TRIM54: variants seen among roughly 807,000 people sequenced by gnomAD.
TRIM54 encodes tripartite motif containing 54.
In TRIM54, 40 loss-of-function variants were observed where a neutral mutation model predicts 42.0. The observed-to-expected ratio is 0.95, with a 90% CI of 0.74 to 1.24. The LOEUF is 1.24. Ranked by LOEUF, TRIM54 falls within the 50% of genes most tolerant of loss-of-function variation. TRIM54 has a pLI of 0.00. For synonymous variants in TRIM54, 199 were observed against 194.9 expected (o/e 1.02, Z -0.17); for missense variants, 485 against 480.3 (o/e 1.01, Z -0.09).
chr2:27,288,048 GCCCT>G (rs1412967419), intron 1 of TRIM54, among the ~76,000 whole-genome samples: 1 of 152,196 alleles, frequency 6.6e-6, no homozygotes, highest in Non-Finnish European at 1.5e-5. Flanking sequence ...CCCATAGCTA[GCCCT>G]CTGTTTACAG....
intron 1 of TRIM54, 101 bp downstream of exon 1, chr2:27,283,000 T>C: frequency 7.6e-7 from 1 of 1,314,644 alleles, no homozygotes; most frequent in Non-Finnish European, 1.0e-6. Flanking sequence ...GATAGAGTGC[T>C]CTCTGAGGTG....
chr2:27,291,737 TG>T (rs1678726327), intron 1 of TRIM54, among the ~76,000 whole-genome samples: 2 of 152,300 alleles, frequency 1.3e-5, no homozygotes, highest in South Asian at 4.1e-4. Context: ...AGGATTTGGC[TG>T]GGGGCTAGCA....
At chr2:27,305,214 G>T (rs1679160330) in intron 4 of TRIM54, 160 bp downstream of exon 4, 2 of 640,572 alleles carry the variant, frequency 3.1e-6, no homozygotes, top group East Asian at 5.5e-5. Context: ...TGCTGGGTGT[G>T]CATTCCAGCT....
chr2:27,305,054 G>A lies in TRIM54; in HGVS notation c.609G>A (p.Glu203=), dbSNP rs781141680. Residue 203 remains glutamate (E), a splice_region_variant and synonymous_variant, in exon 4 of 9, where the codon GAG becomes GAA. Coordinates refer to ENST00000380075, the MANE Select transcript of TRIM54 (RefSeq NM_187841.3). The stretch of plus-strand genomic sequence containing the variant: ...TGGAGGAGGTGTGCCAGACTATCGA[G>A]GTGAGCCTGGGCTGGAGGGAGGGAG... ...TQMEEVCQTI[E]DNSRRQKQLL... The A allele has an allele frequency of 5.0e-5, 80 of 1,613,268 alleles. 3 individuals are homozygous for A. In the South Asian group the frequency reaches 8.6e-4, roughly 17 times the overall value.
intron 1 of TRIM54, among the ~76,000 whole-genome samples, chr2:27,283,798 A>G (rs1044597819): frequency 5.3e-5 from 8 of 150,842 alleles, no homozygotes; most frequent in African/African-American, 2.0e-4. Flanking sequence ...ACACACACAC[A>G]CACACACACA....
At position 27,305,022 on chromosome 2, in the gene TRIM54, A is replaced by C; in HGVS notation, c.577A>C (p.Thr193Pro). ...CAATGACCGCGTGCAAGCAGTGATC[A>C]CACAGATGGAGGAGGTGTGCCAGAC... ...AGNDRVQAVI[T>P]QMEEVCQTIE... The change falls in exon 4 of 9, where the codon ACA becomes CCA. Residue 193 changes from threonine (T) to proline (P), a missense_variant. Transcript: ENST00000380075. The C allele has an allele frequency of 6.2e-7, 1 of 1,614,094 alleles. No individual in the cohort carries two copies. The highest frequency in any genetic ancestry group is 8.5e-7 in the Non-Finnish European group (1 of 1,179,990).
chr2:27,301,185 G>T (rs1046967779), intron 3 of TRIM54, among the ~76,000 whole-genome samples: 3 of 148,644 alleles, frequency 2.0e-5, no homozygotes, highest in Non-Finnish European at 3.0e-5. Context: ...TGTCGCCCAG[G>T]CTGGAATGCA....
chr2:27,286,190 A>T (rs56927245), intron 1 of TRIM54, among the ~76,000 whole-genome samples: 7,517 of 150,648 alleles, frequency 0.05, 587 homozygotes, highest in African/African-American at 0.17. Context: ...AGATGGTGTC[A>T]CATTATGTTA....
rs772077566 is a variant in TRIM54 at position 27,304,970 on chromosome 2, C to T, written c.525C>T (p.Ser175=). 14 of 1,613,786 alleles carry T rather than the reference C, an allele frequency of 8.7e-6. No individual in the cohort carries two copies. Among genetic ancestry groups the T allele is most frequent in the East Asian group, 2.2e-5 (1 of 44,886 alleles). ...TIYKRQKSEL[S]DGIAMLVAGN... ...TGTGTGTGTATCAGAGTGAGCTCAG[C>T]GATGGCATCGCGATGCTGGTGGCAG... Residue 175 remains serine (S), a synonymous_variant, in exon 4 of 9, where the codon AGC becomes AGT. Transcript: ENST00000380075.
At chr2:27,304,453 G>A (rs7575245) in intron 3 of TRIM54, among the ~76,000 whole-genome samples, 55,617 of 92,384 alleles carry the variant, frequency 0.6, 16,188 homozygotes, top group African/African-American at 0.86. Flanking sequence ...CGAATGAATT[G>A]AATGATAGAT....
At chr2:27,304,214 A>G (rs1345813257) in intron 3 of TRIM54, among the ~76,000 whole-genome samples, 1 of 124,940 alleles carries the variant, frequency 8.0e-6, no homozygotes, top group East Asian at 2.1e-4. Flanking sequence ...CTTGTCTCAA[A>G]TATATATATA....
At chr2:27,298,508 T>G in intron 1 of TRIM54, 59 bp from the exon 2 acceptor site, 2 of 1,439,854 alleles carry the variant, frequency 1.4e-6, no homozygotes, top group South Asian at 2.4e-5. Flanking sequence ...TCCCCCTGCC[T>G]CCTCCGAGTC....
At position 27,305,069 on chromosome 2, in the gene TRIM54, G is replaced by C. The variant is rs1446299205; in HGVS notation, c.609+15G>C. On this transcript the variant is annotated intron_variant, in intron 4 of 8. Transcript: ENST00000380075. ...AGACTATCGAGGTGAGCCTGGGCTG[G>C]AGGGAGGGAGGAACAGCAACTGGCT... 2.5e-6 allele frequency: 4 copies of C among 1,608,626 alleles called. No individual in the cohort carries two copies. Among genetic ancestry groups the C allele is most frequent in the Admixed American group, 1.7e-5 (1 of 59,592 alleles).
At chr2:27,294,950 A>C (rs1309238741) in intron 1 of TRIM54, among the ~76,000 whole-genome samples, 3 of 151,946 alleles carry the variant, frequency 2.0e-5, no homozygotes, top group Non-Finnish European at 4.4e-5. Context: ...GGATTAAGTG[A>C]ATTAATACAA....
chr2:27,297,433 T>A (rs1328190709), intron 1 of TRIM54, among the ~76,000 whole-genome samples: 1 of 152,208 alleles, frequency 6.6e-6, no homozygotes, highest in Non-Finnish European at 1.5e-5. Context: ...ATCTCCCTTC[T>A]AGGATAGGAT....
At chr2:27,282,966 G>C in intron 1 of TRIM54, 67 bp downstream of exon 1, 1 of 1,505,014 alleles carries the variant, frequency 6.6e-7, no homozygotes. Flanking sequence ...GATCAGGTCA[G>C]AGCTGAGACC....
rs775838169 is a variant in TRIM54 at position 27,305,615 on chromosome 2, A to AC, written c.643dup (p.Gln215ProfsTer4). The AC allele has an allele frequency of 1.2e-6, 2 of 1,613,654 alleles. No individual in the cohort carries two copies. Among genetic ancestry groups the AC allele is most frequent in the Non-Finnish European group, 1.7e-6 (2 of 1,179,830 alleles). The stretch of plus-strand genomic sequence containing the variant: ...AGCCGGAGGCAGAAGCAGTTGTTAA[A>AC]CCAGAGGTTTGAGAGCCTGTGCGCA... On this transcript the variant is annotated frameshift_variant, in exon 5 of 9. Transcript: ENST00000380075. LOFTEE classifies it high-confidence loss of function.
chr2:27,305,988 A>G lies in TRIM54; in HGVS notation c.844-92A>G, dbSNP rs1023056283. The G allele has an allele frequency of 3.9e-6, 6 of 1,549,598 alleles. No individual in the cohort carries two copies. In the East Asian group the frequency reaches 1.4e-4, roughly 36 times the overall value. The stretch of plus-strand genomic sequence containing the variant: ...TTAACGAATTGGGACGTGCCTTCCC[A>G]CCTACCCCGCAGGACTGTGGTGAGA... On this transcript the variant is annotated intron_variant, in intron 5 of 8. Coordinates refer to ENST00000380075, the MANE Select transcript of TRIM54 (RefSeq NM_187841.3).
chr2:27,287,609 G>A (rs1050681255), intron 1 of TRIM54, among the ~76,000 whole-genome samples: 4 of 151,892 alleles, frequency 2.6e-5, no homozygotes, highest in African/African-American at 9.7e-5. Flanking sequence ...CTGTAACCTT[G>A]AACTCCTGGG....
Sources: gnomAD v4.1 joint callset for allele counts (sites outside exome capture counted in the v4.1 genomes callset) on GRCh38, gnomAD v4.1.1 for gene constraint, MANE v1.5 for transcripts, NCBI Gene and HGNC (gene_info 2026-07-23, HGNC 2026-07-21) for gene names.